Variants in NAV3 observed in about 807,000 individuals in gnomAD.
NAV3 encodes neuron navigator 3.
NAV3 carries 87 observed loss-of-function variants against 244.7 expected under a neutral mutation model. The observed-to-expected ratio is 0.36, with a 90% CI of 0.30 to 0.42. NAV3 has a LOEUF of 0.42. NAV3 is among the 20% of genes least tolerant of loss of function. The pLI is 1.00. For missense variants in NAV3, 2,663 were observed against 2,893.3 expected (o/e 0.92, Z 1.83); for synonymous variants, 1,126 against 1,042.2 (o/e 1.08, Z -1.55).
At chr12:77,815,246 G>A (rs1872482906) in intron 2 of NAV3, among the ~76,000 whole-genome samples, 1 of 152,146 alleles carries the variant, frequency 6.6e-6, no homozygotes. Context: ...TCTTAATGAT[G>A]GGATTACAGT....
chr12:78,175,459 CTTA>C, intron 25 of NAV3, 32 bp downstream of exon 25: 1 of 1,599,848 alleles, frequency 6.3e-7, no homozygotes, highest in Non-Finnish European at 8.5e-7. Context: ...AATTCAGAAG[CTTA>C]TTAATGCATA....
chr12:78,079,569 T>C (rs1953242375), intron 12 of NAV3, among the ~76,000 whole-genome samples: 1 of 152,224 alleles, frequency 6.6e-6, no homozygotes. Flanking sequence ...AAGTATATTA[T>C]ACAGTGTCAG....
chr12:77,712,499 T>G (rs1316911353), intron 2 of NAV3, among the ~76,000 whole-genome samples: 1 of 152,078 alleles, frequency 6.6e-6, no homozygotes. Context: ...CCAAAGTATT[T>G]GGGGTAAAAA....
intron 2 of NAV3, among the ~76,000 whole-genome samples, chr12:77,739,830 T>C (rs1172284805): frequency 6.6e-6 from 1 of 152,154 alleles, no homozygotes; most frequent in Non-Finnish European, 1.5e-5. Flanking sequence ...CATGGATAAT[T>C]GTCTCATAAA....
At chr12:77,851,443 A>G (rs1221959711) in intron 1 of NAV3, among the ~76,000 whole-genome samples, 1 of 152,220 alleles carries the variant, frequency 6.6e-6, no homozygotes, top group Non-Finnish European at 1.5e-5. Context: ...TGTATTTGAT[A>G]GATAAAGAAA....
At chr12:77,871,155 A>C (rs1318298323) in intron 1 of NAV3, among the ~76,000 whole-genome samples, 1 of 152,222 alleles carries the variant, frequency 6.6e-6, no homozygotes, top group East Asian at 1.9e-4. Context: ...AATTTAAGAA[A>C]GCAAAATTTA....
chr12:77,579,077 C>A lies in NAV3; in HGVS notation c.72+6811C>A, dbSNP rs185219946. Reference sequence around the variant, plus strand: ...TGACTAAATGGGAAAAAATGACTGGCATTATAAACAGAGTATGTGTATGAA... The same window carrying A: ...TGACTAAATGGGAAAAAATGACTGGAATTATAAACAGAGTATGTGTATGAA... On this transcript the variant is annotated intron_variant, in intron 2 of 8. Coordinates refer to the NAV3 transcript ENST00000550042. 3.9e-5 allele frequency among the ~76,000 whole-genome samples: 6 copies of A among 152,158 alleles called. No homozygotes were observed. The East Asian group carries it at 1.2e-3, about 29-fold the overall frequency.
chr12:77,941,031 T>A, intron 2 of NAV3, 50 bp from the exon 3 acceptor site: 1 of 1,195,398 alleles, frequency 8.4e-7, no homozygotes, highest in Non-Finnish European at 1.2e-6. Flanking sequence ...CTTCATTGCT[T>A]AAGCATGTCG....
At chr12:78,202,561 A>G (rs1362895297) in intron 38 of NAV3, among the ~76,000 whole-genome samples, 1 of 152,114 alleles carries the variant, frequency 6.6e-6, no homozygotes, top group African/African-American at 2.4e-5. Flanking sequence ...GCAAAAGTAT[A>G]ATCACTTAAG....
Position 78,175,309 on chromosome 12 carries a change from T to C in NAV3, c.4985T>C (p.Leu1662Pro), listed in dbSNP as rs1478171964. The C allele has an allele frequency of 6.2e-7, 1 of 1,610,670 alleles. No homozygotes were observed. The highest frequency in any genetic ancestry group is 8.5e-7 in the Non-Finnish European group (1 of 1,177,732). The change falls in exon 25 of 40, where the codon CTT (leucine) becomes CCT (proline). Residue 1662 changes from leucine (L) to proline (P), a missense_variant. Leu to Pro is a moderately conservative substitution (Grantham distance 98). This residue lies in a region of NAV3 where 193 missense variants were observed against 200.7 expected (regional missense o/e 0.96). Coordinates refer to ENST00000397909, the MANE Select transcript of NAV3 (RefSeq NM_001024383.2). ...GATACTCTCCCTCTATTGCTAGATC[T>C]TCGCATCAGAAGACAGCATTCCTCT... ...LNGPDHPPKD[L>P]RIRRQHSSES...
intron 2 of NAV3, among the ~76,000 whole-genome samples, chr12:77,587,205 C>A (rs1461159795): frequency 6.6e-6 from 1 of 151,998 alleles, no homozygotes; most frequent in East Asian, 1.9e-4. Flanking sequence ...AACTAATGTG[C>A]AGACTTTCCA....
chr12:77,595,941 A>C (rs1399767390), intron 2 of NAV3, among the ~76,000 whole-genome samples: 1 of 152,224 alleles, frequency 6.6e-6, no homozygotes, highest in African/African-American at 2.4e-5. Flanking sequence ...ATATTATGAA[A>C]GAAGAATTTT....
At chr12:77,873,560 G>A (rs1332654996) in intron 1 of NAV3, among the ~76,000 whole-genome samples, 1 of 150,076 alleles carries the variant, frequency 6.7e-6, no homozygotes, top group Non-Finnish European at 1.5e-5. Context: ...TTTTTTTGCA[G>A]TTTTTATAAT....
chr12:77,599,661 C>T (rs1565731288), intron 2 of NAV3, among the ~76,000 whole-genome samples: 2 of 151,242 alleles, frequency 1.3e-5, no homozygotes, highest in Admixed American at 1.3e-4. Flanking sequence ...TTTTCAAACC[C>T]TTTTTTTTAT....
intron 2 of NAV3, among the ~76,000 whole-genome samples, chr12:77,695,527 C>T (rs1592591734): frequency 6.6e-6 from 1 of 152,104 alleles, no homozygotes; most frequent in East Asian, 1.9e-4. Flanking sequence ...TTTTATGCCA[C>T]TACCATGCTG....
intron 12 of NAV3, among the ~76,000 whole-genome samples, chr12:78,084,265 G>T (rs1180473062): frequency 6.6e-6 from 1 of 152,070 alleles, no homozygotes; most frequent in African/African-American, 2.4e-5. Context: ...CCAAATATCA[G>T]TCTCATCATC....
chr12:78,068,450 A>G (rs543691234), intron 12 of NAV3, among the ~76,000 whole-genome samples: 11 of 151,092 alleles, frequency 7.3e-5, no homozygotes, highest in African/African-American at 2.4e-4. Context: ...AATTAATTCA[A>G]TGTATAATGG....
At chr12:77,799,709 T>C (rs1289616103) in intron 2 of NAV3, among the ~76,000 whole-genome samples, 1 of 152,132 alleles carries the variant, frequency 6.6e-6, no homozygotes, top group Non-Finnish European at 1.5e-5. Context: ...CCCTGGGTTG[T>C]GTACAAGCAG....
chr12:78,095,064 T>TACAC lies in NAV3; in HGVS notation c.2637-21686_2637-21683dup, dbSNP rs56856471. Among the ~76,000 whole-genome samples the TACAC allele has an allele frequency of 1.3e-3, 181 of 137,576 alleles. 1 individual carries two copies. The highest frequency in any genetic ancestry group is 3.1e-3 in the African/African-American group (113 of 36,590). The allele number at this position is 137,576 out of a possible 152,430, so 90.3% of individuals were successfully genotyped here. A position where few individuals can be genotyped will look rare whatever the true frequency, so the allele number is the denominator to read the frequency against. On this transcript the variant is annotated intron_variant, in intron 12 of 39. Transcript: ENST00000397909. Reference sequence around the variant, plus strand: ...ATCAAATTATATATATATATATATATACACACACACACACACACACACACA... The same window carrying TACAC: ...ATCAAATTATATATATATATATATATACACACACACACACACACACACACACACA...
Sources: allele counts gnomAD v4.1 joint callset (sites outside exome capture counted in the v4.1 genomes callset), GRCh38; gene constraint gnomAD v4.1.1; regional missense constraint gnomAD v4.1.1; transcripts MANE v1.5; gene names NCBI Gene and HGNC (gene_info 2026-07-23, HGNC 2026-07-21).